Variants in LRRC49 observed in about 807,000 individuals in gnomAD.
The protein encoded by LRRC49 is leucine-rich repeat-containing protein 49.
A neutral mutation model predicts 83.3 loss-of-function variants in LRRC49; 50 were observed. The ratio of observed to expected loss-of-function variants is 0.60; its 90% CI spans 0.48 to 0.76. The LOEUF (loss-of-function observed/expected upper bound fraction) is 0.76. LRRC49 is among the 30% of genes least tolerant of loss of function. The pLI is 0.00. For missense variants in LRRC49, 704 were observed against 809.1 expected (o/e 0.87, Z 1.58); for synonymous variants, 286 against 283.3 (o/e 1.01, Z -0.10).
chr15:70,919,169 G>C lies in LRRC49; in HGVS notation c.687G>C (p.Leu229Phe). The C allele has an allele frequency of 6.2e-7, 1 of 1,612,068 alleles. No homozygotes were observed. The highest frequency in any genetic ancestry group is 1.1e-5 in the South Asian group (1 of 90,496). The stretch of plus-strand genomic sequence containing the variant: ...TGGATTCACTAACTGAACTTAACTT[G>C]CGACACAATCAAATCACTTTCGTGG... ...NGLDSLTELNLRHNQITFVRD... is the reference protein window; with the variant it reads ...NGLDSLTELNFRHNQITFVRD... The change falls in exon 7 of 16, where the codon TTG becomes TTC. Residue 229 changes from leucine to phenylalanine, a missense_variant. This residue lies in a region of LRRC49 where 261 missense variants were observed against 330.5 expected (regional missense o/e 0.79). Coordinates refer to ENST00000260382, the MANE Select transcript of LRRC49 (RefSeq NM_017691.5).
At chr15:70,956,340 G>A (rs2141187069) in intron 8 of LRRC49, among the ~76,000 whole-genome samples, 1 of 152,282 alleles carries the variant, frequency 6.6e-6, no homozygotes, top group South Asian at 2.1e-4. Flanking sequence ...GGAAGCAGAT[G>A]TGGCAATGTG....
At chr15:71,021,426 C>T (rs189266031) in intron 14 of LRRC49, among the ~76,000 whole-genome samples, 3 of 151,780 alleles carry the variant, frequency 2.0e-5, no homozygotes, top group East Asian at 3.9e-4. Flanking sequence ...AAAGAGAAAA[C>T]GAAAAATAGA....
At chr15:70,962,617 GA>G (rs200902868) in intron 8 of LRRC49, among the ~76,000 whole-genome samples, 38 of 145,568 alleles carry the variant, frequency 2.6e-4, no homozygotes, top group African/African-American at 7.6e-4. Context: ...CTCAGAAAAA[GA>G]AAAAAAAAAT....
chr15:71,048,873 T>C (rs755477342), intron 15 of LRRC49: 22 of 455,720 alleles, frequency 4.8e-5, no homozygotes, highest in Admixed American at 7.1e-5. Context: ...CTCTTCCTAA[T>C]TGTACACTTC....
intron 7 of LRRC49, among the ~76,000 whole-genome samples, chr15:70,920,739 G>A (rs1419261969): frequency 2.0e-5 from 3 of 152,130 alleles, no homozygotes; most frequent in Admixed American, 6.6e-5. Context: ...AGAGGAAATT[G>A]TATTAATTTC....
intron 5 of LRRC49, among the ~76,000 whole-genome samples, chr15:70,910,270 A>G (rs973935160): frequency 1.3e-5 from 2 of 152,200 alleles, no homozygotes; most frequent in East Asian, 3.8e-4. Context: ...TTGATTTGGC[A>G]ATGATATAAC....
chr15:70,971,312 A>G (rs2036989572), intron 9 of LRRC49, among the ~76,000 whole-genome samples: 1 of 152,112 alleles, frequency 6.6e-6, no homozygotes, highest in South Asian at 2.1e-4. Flanking sequence ...CTTAATCCTG[A>G]GTTCTAACGT....
rs997725895 is a variant in LRRC49, at chr15:71,050,573, C to T, written c.*961C>T. Reference sequence around the variant, plus strand: ...TCTTAGTCAATAAATAGGAATTTTTCGGTTTGCTTAGATTTTACCTAGCAG... The same window carrying T: ...TCTTAGTCAATAAATAGGAATTTTTTGGTTTGCTTAGATTTTACCTAGCAG... On this transcript the variant is annotated 3_prime_UTR_variant, in exon 16 of 16. Transcript: ENST00000260382. 3 of 152,114 alleles carry T rather than the reference C, an allele frequency of 2.0e-5. No homozygotes were observed. Among genetic ancestry groups the T allele is most frequent in the East Asian group, 1.9e-4 (1 of 5,184 alleles). 9.4% of individuals were successfully genotyped at this position (152,114 alleles called of 1,614,324 possible).
intron 5 of LRRC49, among the ~76,000 whole-genome samples, chr15:70,909,003 A>T (rs1180118959): frequency 2.0e-5 from 3 of 152,192 alleles, no homozygotes. Context: ...CACAACAGAT[A>T]GGGAGTGAAT....
chr15:70,905,481 G>GA (rs889323963), intron 5 of LRRC49, among the ~76,000 whole-genome samples: 10 of 151,714 alleles, frequency 6.6e-5, no homozygotes, highest in African/African-American at 2.2e-4. Context: ...CTCGTTGCAG[G>GA]AAAAAAAAGT....
chr15:70,864,615 G>A (rs1034218742), intron 1 of LRRC49, among the ~76,000 whole-genome samples: 9 of 152,190 alleles, frequency 5.9e-5, no homozygotes, highest in Admixed American at 6.5e-5. Context: ...TTTCAGATGC[G>A]TGACATGCTT....
intron 11 of LRRC49, among the ~76,000 whole-genome samples, chr15:70,997,787 T>C (rs1295928156): frequency 2.0e-5 from 3 of 152,208 alleles, no homozygotes. Flanking sequence ...TTTCTGCCTT[T>C]TAATTTGGGT....
Position 70,980,095 on chromosome 15 carries a change from T to C in LRRC49, c.922-6T>C, listed in dbSNP as rs377573481. ...TTCATAATACTTTTCGGAAAATGTC[T>C]TTTAGGAAGAAGAAAGGCGTATGGC... On this transcript the variant is annotated splice_region_variant and splice_polypyrimidine_tract_variant and intron_variant, in intron 9 of 15. Coordinates refer to ENST00000260382, the MANE Select transcript of LRRC49 (RefSeq NM_017691.5). 1.4e-5 allele frequency: 22 copies of C among 1,597,256 alleles called. No homozygotes were observed. The African/African-American group carries it at 2.7e-4, about 20-fold the overall frequency.
intron 11 of LRRC49, among the ~76,000 whole-genome samples, chr15:71,006,758 T>C (rs991290975): frequency 5.9e-5 from 9 of 152,134 alleles, no homozygotes; most frequent in African/African-American, 2.2e-4. Flanking sequence ...GTAATTGCAG[T>C]ACAATGTGGC....
At chr15:70,970,194 T>A (rs1596080379) in intron 9 of LRRC49, among the ~76,000 whole-genome samples, 1 of 152,230 alleles carries the variant, frequency 6.6e-6, no homozygotes, top group East Asian at 1.9e-4. Context: ...GAAGCGGTAT[T>A]GAATTTTTAT....
intron 4 of LRRC49, chr15:70,902,553 G>A (rs2034126235): frequency 6.6e-6 from 1 of 152,242 alleles, no homozygotes; most frequent in South Asian, 2.1e-4. Flanking sequence ...CTAGCAGCAA[G>A]GAACTAACTC....
intron 1 of LRRC49, chr15:70,859,863 TG>T: frequency 1.3e-6 from 1 of 769,230 alleles, no homozygotes. Flanking sequence ...AAGCTGGCCT[TG>T]GGCATCAAAA....
In LRRC49 at chr15:70,984,136, G is replaced by T; in HGVS notation, c.1048G>T (p.Asp350Tyr). ...LTINNVARQW[D>Y]LQQQRVANIA... The stretch of plus-strand genomic sequence containing the variant: ...AATTAACAACGTAGCTCGACAGTGG[G>T]ACTTGCAACAACAACGAGTAGCCAA... Residue 350 changes from aspartate (D) to tyrosine (Y), a missense_variant, in exon 11 of 16, where the codon GAC (aspartate) becomes TAC (tyrosine). This residue lies in a region of LRRC49 where 168 missense variants were observed against 140.6 expected (regional missense o/e 1.20). Transcript: ENST00000260382. 6.3e-7 allele frequency: 1 copy of T among 1,584,852 alleles called. No homozygotes were observed. The highest frequency in any genetic ancestry group is 8.6e-7 in the Non-Finnish European group (1 of 1,165,500).
chr15:70,892,446 G>T, upstream of LRRC49: 1 of 1,534,928 alleles, frequency 6.5e-7, no homozygotes, highest in South Asian at 1.2e-5. Flanking sequence ...GGCCCCCAAT[G>T]GGAGGGCTCT....
Sources: allele counts gnomAD v4.1 joint callset (sites outside exome capture counted in the v4.1 genomes callset), GRCh38; gene constraint gnomAD v4.1.1; regional missense constraint gnomAD v4.1.1; transcripts MANE v1.5; gene names NCBI Gene and HGNC (gene_info 2026-07-23, HGNC 2026-07-21).